Variants in ATP6V1B1 observed in about 807,000 individuals in gnomAD.
ATP6V1B1 encodes the protein V-type proton ATPase subunit B, kidney isoform.
Under a neutral mutation model 62.1 loss-of-function variants are expected in ATP6V1B1, and 41 were observed. That is an observed-to-expected ratio of 0.66 (90% CI 0.51 to 0.86). ATP6V1B1 has a LOEUF of 0.86. Ranked by LOEUF, ATP6V1B1 falls within the 40% of genes least tolerant of loss-of-function variation. The probability of loss-of-function intolerance (pLI) is 0.00; values close to 1 mark genes in which losing one functional copy is unlikely to be tolerated. For missense variants in ATP6V1B1, 651 were observed against 697.5 expected, an observed-to-expected ratio of 0.93 and a Z score of 0.75; for synonymous variants, 253 against 273.4, an observed-to-expected ratio of 0.93 and a Z score of 0.74.
intron 1 of ATP6V1B1, chr2:70,938,897 A>C (rs1679919417): frequency 5.8e-6 from 4 of 695,108 alleles, no homozygotes; most frequent in Non-Finnish European, 7.1e-6. Flanking sequence ...CAGGAGCTTG[A>C]GTGCCAAACC....
At position 70,959,690 on chromosome 2, in the gene ATP6V1B1, G is replaced by A. The variant is rs1553419683; in HGVS notation, c.446-249G>A. 3.9e-5 allele frequency among the ~76,000 whole-genome samples: 6 copies of A among 152,252 alleles called. No homozygotes were observed. Among genetic ancestry groups the A allele is most frequent in the Non-Finnish European group, 1.5e-5 (1 of 68,052 alleles). On this transcript the variant is annotated intron_variant, in intron 5 of 13. Coordinates refer to ENST00000234396, the MANE Select transcript of ATP6V1B1 (RefSeq NM_001692.4). The surrounding 1 kb of genome is among the most constrained non-coding windows in gnomAD (Gnocchi z 4.2). ...CACAAGGGCAGCTCTGTCCAAGGTA[G>A]CACTGGGCCTGTGGCTATTTAAATT...
At chr2:70,950,072 C>T (rs1488520291) in intron 2 of ATP6V1B1, among the ~76,000 whole-genome samples, 1 of 152,020 alleles carries the variant, frequency 6.6e-6, no homozygotes, top group Non-Finnish European at 1.5e-5. Flanking sequence ...AACTAGATAT[C>T]CTCTTATGTT....
rs1680588543 is a variant in ATP6V1B1 at position 70,961,592 on chromosome 2, C to G, written c.688-4C>G. 6.2e-7 allele frequency: 1 copy of G among 1,614,194 alleles called. No individual in the cohort carries two copies. The highest frequency in any genetic ancestry group is 8.5e-7 in the Non-Finnish European group (1 of 1,179,976). The stretch of plus-strand genomic sequence containing the variant: ...ACCTCCAGCCCACCCTGCTGTGTAT[C>G]CAGGTGAACATGGAGACAGCCAGAT... On this transcript the variant is annotated splice_polypyrimidine_tract_variant and splice_region_variant and intron_variant, in intron 7 of 13. Transcript: ENST00000234396.
chr2:70,936,730 C>T (rs1350390639), intron 1 of ATP6V1B1, among the ~76,000 whole-genome samples: 1 of 152,104 alleles, frequency 6.6e-6, no homozygotes, highest in African/African-American at 2.4e-5. Context: ...TACGTGTGTG[C>T]ATGTGCACTC....
At chr2:70,947,514 G>A (rs536195246) in intron 2 of ATP6V1B1, 1 of 152,296 alleles carries the variant, frequency 6.6e-6, no homozygotes, top group East Asian at 1.9e-4. Context: ...CCCTGTTTGA[G>A]AATTGGAGTA....
At chr2:70,942,414 TG>T (rs1279143755) in intron 1 of ATP6V1B1, 2 of 398,566 alleles carry the variant, frequency 5.0e-6, no homozygotes, top group Non-Finnish European at 8.8e-6. Flanking sequence ...CGTGCCCAGT[TG>T]ATCTTCCTAG....
At chr2:70,940,645 A>G (rs1471509341) in intron 1 of ATP6V1B1, 11 of 985,180 alleles carry the variant, frequency 1.1e-5, no homozygotes, top group Non-Finnish European at 1.3e-5. Flanking sequence ...GAGTCTTCCT[A>G]TGCCCAACAG....
intron 2 of ATP6V1B1, among the ~76,000 whole-genome samples, chr2:70,953,244 G>T (rs1269732684): frequency 6.6e-6 from 1 of 152,168 alleles, no homozygotes; most frequent in Non-Finnish European, 1.5e-5. Context: ...GGGGTTAAAG[G>T]TGTGAGCCAC....
chr2:70,963,511 G>GC lies in ATP6V1B1; in HGVS notation c.1061-58dup. On this transcript the variant is annotated intron_variant, in intron 10 of 13. Coordinates refer to ENST00000234396, the MANE Select transcript of ATP6V1B1 (RefSeq NM_001692.4). The surrounding 1 kb of genome is among the most constrained non-coding windows in gnomAD (Gnocchi z 4.3). ...CCATGAGGGAAACAGACCCCAGGTG[G>GC]CCCTGAGTGGTTGGAGACCTGGGCC... 1 of 1,568,056 alleles carries GC rather than the reference G, an allele frequency of 6.4e-7. No homozygotes were observed. The highest frequency in any genetic ancestry group is 2.2e-5 in the East Asian group (1 of 44,588).
chr2:70,941,276 G>C, intron 1 of ATP6V1B1: 1 of 985,294 alleles, frequency 1.0e-6, no homozygotes, highest in African/African-American at 1.7e-5. Context: ...GGGACACAAC[G>C]ATGAGCACCA....
At chr2:70,944,779 C>T (rs1274811356) in intron 2 of ATP6V1B1, among the ~76,000 whole-genome samples, 2 of 151,974 alleles carry the variant, frequency 1.3e-5, no homozygotes, top group African/African-American at 2.4e-5. Flanking sequence ...CGCTATTCTC[C>T]TGCCTCAGCC....
intron 2 of ATP6V1B1, among the ~76,000 whole-genome samples, chr2:70,948,998 A>G (rs1220608252): frequency 6.6e-6 from 1 of 152,232 alleles, no homozygotes; most frequent in Non-Finnish European, 1.5e-5. Context: ...GATGATAATC[A>G]CCAGCACTGT....
At position 70,965,250 on chromosome 2, in the gene ATP6V1B1, G is replaced by C. The variant is rs532579339; in HGVS notation, c.*129G>C. ...CCCTCCGCTGGCTCCGAGGTGGTGG[G>C]GGCGCCGCACGCTCCATCCCTTTCC... On this transcript the variant is annotated 3_prime_UTR_variant, in exon 14 of 14. Transcript: ENST00000234396. 1 of 1,331,394 alleles carries C rather than the reference G, an allele frequency of 7.5e-7. No individual in the cohort carries two copies. The highest frequency in any genetic ancestry group is 1.5e-5 in the African/African-American group (1 of 68,796). The allele number at this position is 1,331,394 out of a possible 1,614,324, so 82.5% of individuals were successfully genotyped here. A position where few individuals can be genotyped will look rare whatever the true frequency, so the allele number is the denominator to read the frequency against.
At chr2:70,954,538 A>C (rs1192696091) in intron 2 of ATP6V1B1, among the ~76,000 whole-genome samples, 1 of 152,230 alleles carries the variant, frequency 6.6e-6, no homozygotes, top group Non-Finnish European at 1.5e-5. Flanking sequence ...AATGACAAGG[A>C]GTAATTCAGA....
At chr2:70,938,533 CG>C in intron 1 of ATP6V1B1, 4 of 985,038 alleles carry the variant, frequency 4.1e-6, no homozygotes, top group Non-Finnish European at 4.8e-6. Context: ...TCCCCTCCCC[CG>C]GGGGAGGTGG....
chr2:70,963,720 A>G lies in ATP6V1B1; in HGVS notation c.1143+66A>G, dbSNP rs1032052809. On this transcript the variant is annotated intron_variant, in intron 11 of 13. Coordinates refer to ENST00000234396, the MANE Select transcript of ATP6V1B1 (RefSeq NM_001692.4). The surrounding 1 kb of genome is among the most constrained non-coding windows in gnomAD (Gnocchi z 4.3). ...AGAAACACTGAGGAACAGATGTTTCACTGCCCCCAGGCATGAATTAGGAGG... is the reference window on the plus strand; with the variant it reads ...AGAAACACTGAGGAACAGATGTTTCGCTGCCCCCAGGCATGAATTAGGAGG... 1.0e-5 allele frequency: 16 copies of G among 1,550,984 alleles called. No homozygotes were observed. Among genetic ancestry groups the G allele is most frequent in the Non-Finnish European group, 1.3e-5 (15 of 1,124,762 alleles).
intron 2 of ATP6V1B1, among the ~76,000 whole-genome samples, chr2:70,951,137 T>G (rs1680315302): frequency 6.6e-6 from 1 of 151,836 alleles, no homozygotes; most frequent in Admixed American, 6.6e-5. Context: ...GAGACAGGGT[T>G]TCACCATTTT....
chr2:70,949,348 G>GT (rs1558673270), intron 2 of ATP6V1B1, among the ~76,000 whole-genome samples: 1 of 152,216 alleles, frequency 6.6e-6, no homozygotes, highest in Non-Finnish European at 1.5e-5. Context: ...ACAGACATTC[G>GT]TATGTTCTCA....
At chr2:70,953,783 T>G (rs1407407498) in intron 2 of ATP6V1B1, among the ~76,000 whole-genome samples, 1 of 152,236 alleles carries the variant, frequency 6.6e-6, no homozygotes, top group Non-Finnish European at 1.5e-5. Flanking sequence ...ATTTATTCCT[T>G]GACTGTTAGA....
Sources: allele counts gnomAD v4.1 joint callset (sites outside exome capture counted in the v4.1 genomes callset), GRCh38; gene constraint gnomAD v4.1.1; non-coding constraint Gnocchi (gnomAD v3.1); transcripts MANE v1.5; gene names NCBI Gene and HGNC (gene_info 2026-07-23, HGNC 2026-07-21).